The following TTN variants were observed in gnomAD, a reference collection of about 807,000 sequenced individuals.
TTN encodes the protein titin, also known as connectin.
TTN carries 1,525 observed loss-of-function variants against 3,223.0 expected under a neutral mutation model. The observed-to-expected ratio is 0.47, with a 90% CI of 0.45 to 0.49. The LOEUF (loss-of-function observed/expected upper bound fraction) is 0.49. Among genes scored for constraint, TTN ranks in the 20% least tolerant of loss-of-function variants. The pLI is 0.00. For missense variants in TTN, 40,786 were observed against 43,424.0 expected, an observed-to-expected ratio of 0.94 and a Z score of 5.40; for synonymous variants, 14,094 against 15,161.0, an observed-to-expected ratio of 0.93 and a Z score of 5.17.
intron 15 of TTN, among the ~76,000 whole-genome samples, chr2:178,785,206 AAT>A (rs2093085516): frequency 6.6e-6 from 1 of 152,172 alleles, no homozygotes; most frequent in Non-Finnish European, 1.5e-5. Flanking sequence ...ATGATTTCTC[AAT>A]GTCTGTCTTT....
In TTN at chr2:178,773,834, T is replaced by C. The variant is rs758159992; in HGVS notation, c.7330+4A>G. The C allele has an allele frequency of 1.2e-6, 2 of 1,614,076 alleles. No individual in the cohort carries two copies. The highest frequency in any genetic ancestry group is 1.7e-6 in the Non-Finnish European group (2 of 1,179,980). ...AAACATAAAATTTTATAATTAGGAC[T>C]CACTATAGACAGAGACACGCCCACT... On this transcript the variant is annotated splice_donor_region_variant and intron_variant, in intron 31 of 362. Coordinates refer to ENST00000589042, the MANE Select transcript of TTN (RefSeq NM_001267550.2).
At chr2:178,749,184 C>A (rs1325450769) in intron 47 of TTN, 3 of 1,611,344 alleles carry the variant, frequency 1.9e-6, no homozygotes, top group Non-Finnish European at 2.5e-6. Flanking sequence ...TTTTCCTTTT[C>A]TGATCTACCA....
At chr2:178,792,847 T>C (rs149963067) in intron 9 of TTN, among the ~76,000 whole-genome samples, 2 of 152,358 alleles carry the variant, frequency 1.3e-5, no homozygotes, top group African/African-American at 4.8e-5. Flanking sequence ...CTGGTTCCAC[T>C]GGCCAAGAGC....
intron 196 of TTN, 47 bp from the exon 197 acceptor site, chr2:178,653,554 G>T: frequency 1.7e-6 from 2 of 1,189,018 alleles, no homozygotes; most frequent in African/African-American, 1.6e-5. Context: ...GAGACAAATG[G>T]AGTAAAATAT....
rs1347035365 is a variant in TTN, at chr2:178,734,318, A to T, written c.15496+10T>A. 1 of 1,556,348 alleles carries T rather than the reference A, an allele frequency of 6.4e-7. No individual in the cohort carries two copies. Among genetic ancestry groups the T allele is most frequent in the African/African-American group, 1.4e-5 (1 of 72,698 alleles). Reference sequence around the variant, plus strand: ...TTTATTAAAGAGACATTAGTTTTTCAAGCACTAACCTTTGAGTAAGTGGGT... The same window carrying T: ...TTTATTAAAGAGACATTAGTTTTTCTAGCACTAACCTTTGAGTAAGTGGGT... On this transcript the variant is annotated intron_variant, in intron 52 of 362. Coordinates refer to ENST00000589042, the MANE Select transcript of TTN (RefSeq NM_001267550.2).
chr2:178,779,734 G>A, intron 22 of TTN: 1 of 533,790 alleles, frequency 1.9e-6, no homozygotes, highest in Non-Finnish European at 3.3e-6. Context: ...TGGCATGAAT[G>A]AACTCAGCTG....
chr2:178,649,768 T>G (rs1261714904), intron 211 of TTN, 49 bp downstream of exon 211: 3 of 1,588,460 alleles, frequency 1.9e-6, no homozygotes, highest in Non-Finnish European at 2.6e-6. Flanking sequence ...AAGAAGAGTG[T>G]AAAATTGTAG....
chr2:178,685,380 G>A lies in TTN; in HGVS notation c.32393-50C>T, dbSNP rs747716870. On this transcript the variant is annotated intron_variant, in intron 128 of 362. Coordinates refer to ENST00000589042, the MANE Select transcript of TTN (RefSeq NM_001267550.2). ...TGTAGAAATGTCTAGATTTCTTTTC[G>A]ATAAAAGTGTAAGGGATCTTTTTAT... The A allele has an allele frequency of 9.3e-6, 14 of 1,505,710 alleles. No homozygotes were observed. In the African/African-American group the frequency reaches 9.8e-5, roughly 11 times the overall value. The allele number at this position is 1,505,710 out of a possible 1,614,324, so 93.3% of individuals were successfully genotyped here.
At position 178,652,341 on chromosome 2, in the gene TTN, T is replaced by TCAGG; in HGVS notation, c.39130_39133dup (p.Glu13045AlafsTer2). The TCAGG allele has an allele frequency of 6.2e-7, 1 of 1,613,680 alleles. No homozygotes were observed. The highest frequency in any genetic ancestry group is 2.2e-5 in the East Asian group (1 of 44,866). On this transcript the variant is annotated stop_gained and frameshift_variant, in exon 203 of 363. Coordinates refer to ENST00000589042, the MANE Select transcript of TTN (RefSeq NM_001267550.2). LOFTEE classifies it high-confidence loss of function. ...TTCAGGAACAACTTCTTTGGGAGCC[T>TCAGG]CAGGCACTTGAAAGATAATAGTGAA...
chr2:178,648,410 C>CT (rs758890400), intron 213 of TTN, among the ~76,000 whole-genome samples: 8 of 151,742 alleles, frequency 5.3e-5, no homozygotes, highest in South Asian at 2.1e-4. Flanking sequence ...TCCTCAATTT[C>CT]TTTTTTTTAA....
intron 97 of TTN, 48 bp downstream of exon 97, chr2:178,711,014 G>C: frequency 6.5e-7 from 1 of 1,548,008 alleles, no homozygotes; most frequent in Non-Finnish European, 8.7e-7. Context: ...GTTCATATTT[G>C]ATTATAATAC....
At position 178,715,167 on chromosome 2, in the gene TTN, G is replaced by A. The variant is rs370266918; in HGVS notation, c.26019C>T (p.His8673=). ...ECELQGTPPF[H]VSWYKDKREL... is the part of the protein sequence containing the mutation. ...CTCTCTTGTCTTTATACCAAGAAAC[G>A]TGAAATGGGGGAGTGCCCTGAAGCT... Residue 8673 remains histidine (H), a synonymous_variant, in exon 90 of 363, where the codon CAC becomes CAT. Transcript: ENST00000589042. The A allele has an allele frequency of 6.0e-5, 97 of 1,613,702 alleles. No individual in the cohort carries two copies. In the African/African-American group the frequency reaches 9.1e-4, roughly 15 times the overall value.
Position 178,594,413 on chromosome 2 carries a change from C to T in TTN, c.58081G>A (p.Ala19361Thr). ...EGDTYEYRVS[A>T]VNIVGQGKPS... Reference sequence around the variant, plus strand: ...TTGCCTTGTCCAACAATGTTGACAGCACTGACACGGTACTCATAGGTATCA... The same window carrying T: ...TTGCCTTGTCCAACAATGTTGACAGTACTGACACGGTACTCATAGGTATCA... The change falls in exon 296 of 363, where the codon GCT becomes ACT. Residue 19361 changes from alanine (A) to threonine (T), a missense_variant. Physicochemically the swap from Ala to Thr is moderately conservative, Grantham distance 58. Transcript: ENST00000589042. The T allele has an allele frequency of 6.2e-7, 1 of 1,609,978 alleles. No individual in the cohort carries two copies. Among genetic ancestry groups the T allele is most frequent in the Non-Finnish European group, 8.5e-7 (1 of 1,177,760 alleles).
In TTN at chr2:178,711,356, G is replaced by A. The variant is rs1446519993; in HGVS notation, c.27887-7C>T. 2.5e-6 allele frequency: 4 copies of A among 1,584,788 alleles called. No homozygotes were observed. The highest frequency in any genetic ancestry group is 1.2e-5 in the South Asian group (1 of 85,628). ...GATGGTGGAAGTTTTTGCTCTGTAG[G>A]AACAGAATAAAAGTAACAAATACTT... On this transcript the variant is annotated splice_polypyrimidine_tract_variant and splice_region_variant and intron_variant, in intron 96 of 362. Transcript: ENST00000589042.
rs564482474 is a variant in TTN, at chr2:178,764,318, A to G, written c.9989-16T>C. On this transcript the variant is annotated splice_polypyrimidine_tract_variant and intron_variant, in intron 42 of 362. Coordinates refer to ENST00000589042, the MANE Select transcript of TTN (RefSeq NM_001267550.2). ...ACTTCTGGAACTAAAGAAAGAAACC[A>G]CAAGATTTGTCATGATTAAGTCACC... 34 of 1,613,670 alleles carry G rather than the reference A, an allele frequency of 2.1e-5. No individual in the cohort carries two copies. In the Admixed American group the frequency reaches 2.5e-4, roughly 12 times the overall value.
intron 263 of TTN, 52 bp downstream of exon 263, chr2:178,613,699 A>C (rs2056767685): frequency 1.3e-6 from 2 of 1,557,268 alleles, no homozygotes; most frequent in African/African-American, 2.7e-5. Context: ...CTAAAGAGTA[A>C]ACATTTGAAT....
Position 178,722,660 on chromosome 2 carries a change from T to C in TTN, c.22239A>G (p.Gln7413=), listed in dbSNP as rs1232912261. 1.2e-5 allele frequency: 20 copies of C among 1,603,730 alleles called. No individual in the cohort carries two copies. The Admixed American group carries it at 3.1e-4, about 25-fold the overall frequency. The change falls in exon 76 of 363, where the codon CAA becomes CAG. Residue 7413 remains glutamine (Q), a splice_region_variant and synonymous_variant. Transcript: ENST00000589042. The part of the protein sequence containing the change: ...TASSKTVFRI[Q]ERQLPPSFAR... The stretch of plus-strand genomic sequence containing the variant: ...TTTTAATTTGTAAAATATCATCACC[T>C]TGAATTCTGAACACAGTCTTAGAAG...
chr2:178,612,038 G>GAATT lies in TTN; in HGVS notation c.50354+15_50354+18dup. The GAATT allele has an allele frequency of 6.2e-7, 1 of 1,603,088 alleles. No homozygotes were observed. The highest frequency in any genetic ancestry group is 8.5e-7 in the Non-Finnish European group (1 of 1,175,766). On this transcript the variant is annotated intron_variant, in intron 267 of 362. Coordinates refer to ENST00000589042, the MANE Select transcript of TTN (RefSeq NM_001267550.2). ...CAGCCAAGTGTAAGTTATTCTTTAT[G>GAATT]AATTAATTCAAATTCTACCTCTGTA...
chr2:178,575,140 T>A lies in TTN; in HGVS notation c.70992A>T (p.Thr23664=). 2.5e-6 allele frequency: 4 copies of A among 1,612,926 alleles called. No individual in the cohort carries two copies. The highest frequency in any genetic ancestry group is 3.4e-6 in the Non-Finnish European group (4 of 1,179,394). The change falls in exon 326 of 363, where the codon ACA becomes ACT. Residue 23664 remains threonine (T), a synonymous_variant. Transcript: ENST00000589042. The surrounding 1 kb of genome is among the most constrained non-coding windows in gnomAD (Gnocchi z 4.0). The part of the protein sequence containing the change: ...EIPVLGRPKP[T]VTWKKGDQIL... ...TTTGGTCTCCTTTTTTCCATGTCAC[T>A]GTGGGCTTCGGTCGACCGAGCACTG... is the stretch of plus-strand genomic sequence containing the variant.
Sources: allele counts gnomAD v4.1 joint callset (sites outside exome capture counted in the v4.1 genomes callset), GRCh38; gene constraint gnomAD v4.1.1; non-coding constraint Gnocchi (gnomAD v3.1); transcripts MANE v1.5; gene names NCBI Gene and HGNC (gene_info 2026-07-23, HGNC 2026-07-21).